ANTXRL: variants seen among roughly 807,000 people sequenced by gnomAD.
ANTXRL encodes anthrax toxin receptor-like.
A neutral mutation model predicts 75.4 loss-of-function variants in ANTXRL; 63 were observed. The observed-to-expected ratio is 0.84, with a 90% CI of 0.68 to 1.03. ANTXRL has a LOEUF of 1.03. ANTXRL is among the 50% of genes least tolerant of loss of function. The pLI is 0.00. For synonymous variants in ANTXRL, 335 were observed against 291.3 expected (o/e 1.15, Z -1.53); for missense variants, 797 against 789.4 (o/e 1.01, Z -0.12).
At chr10:46,298,421 T>G (rs1837519038) in intron 9 of ANTXRL, among the ~76,000 whole-genome samples, 1 of 150,928 alleles carries the variant, frequency 6.6e-6, no homozygotes, top group Admixed American at 6.6e-5. Flanking sequence ...GAGTGATGCA[T>G]CTGTGTGTGT....
chr10:46,296,757 G>A (rs1356679419), intron 5 of ANTXRL, among the ~76,000 whole-genome samples: 1 of 152,174 alleles, frequency 6.6e-6, no homozygotes, highest in African/African-American at 2.4e-5. Context: ...CTGCCCAGGT[G>A]CCACTGGCCT....
intron 16 of ANTXRL, among the ~76,000 whole-genome samples, chr10:46,317,360 A>G (rs2132867020): frequency 6.6e-6 from 1 of 152,332 alleles, no homozygotes; most frequent in East Asian, 1.9e-4. Flanking sequence ...GAATATTAAT[A>G]TCTTGATTTC....
At chr10:46,290,025 A>G (rs1588778789) in intron 1 of ANTXRL, among the ~76,000 whole-genome samples, 2 of 148,032 alleles carry the variant, frequency 1.4e-5, no homozygotes, top group Admixed American at 1.4e-4. Context: ...CTGTATGTAT[A>G]TGTACCACAT....
At chr10:46,302,040 C>T (rs782286965) in intron 9 of ANTXRL, among the ~76,000 whole-genome samples, 1 of 152,168 alleles carries the variant, frequency 6.6e-6, no homozygotes, top group African/African-American at 2.4e-5. Flanking sequence ...AGGATGGGTG[C>T]CCTGTGGTCC....
rs76819156 is a variant in ANTXRL, at chr10:46,318,439, CTA to C, written c.1410+5125_1410+5126del. Among the ~76,000 whole-genome samples, 1,230 of 152,012 alleles carry C rather than the reference CTA, an allele frequency of 8.1e-3. 54 individuals are homozygous for C. In the East Asian group the frequency reaches 0.13, roughly 15 times the overall value. On this transcript the variant is annotated intron_variant, in intron 16 of 16. Coordinates refer to ENST00000620264, the MANE Select transcript of ANTXRL (RefSeq NM_001278688.3). ...TTTCCCAGAGGAATTCATGAGCTTG[CTA>C]TGTTATTTTAGTGAAAATTGTAATG... is the stretch of plus-strand genomic sequence containing the variant.
chr10:46,329,948 C>A lies in ANTXRL; in HGVS notation c.1760C>A (p.Thr587Asn). The change falls in exon 17 of 17, where the codon ACC (threonine) becomes AAC (asparagine). Residue 587 changes from threonine (T) to asparagine (N), a missense_variant. Transcript: ENST00000620264. ...CCCAGCCGGGAGTGCCTCCCCCTCA[C>A]CTGCTCCTCCAGGTGCCGCCTCCCC... ...LQPSRECLPL[T>N]CSSRCRLPPA... is the part of the protein sequence containing the mutation. 1.3e-6 allele frequency: 2 copies of A among 1,535,802 alleles called. No homozygotes were observed. Among genetic ancestry groups the A allele is most frequent in the South Asian group, 1.2e-5 (1 of 84,042 alleles).
Position 46,307,532 on chromosome 10 carries a change from T to C in ANTXRL, c.1044+52T>C, listed in dbSNP as rs147839195. The C allele has an allele frequency of 5.5e-4, 800 of 1,464,092 alleles. 6 individuals are homozygous for C. The African/African-American group carries it at 7.0e-3, about 13-fold the overall frequency. 90.7% of individuals were successfully genotyped at this position (1,464,092 alleles called of 1,614,324 possible). A position where few individuals can be genotyped will look rare whatever the true frequency, so the allele number is the denominator to read the frequency against. ...ATGTATGAGGACTGTCCAGAGCCTC[T>C]GCACTAGAAGGAGCACAGAAAAGGC... On this transcript the variant is annotated intron_variant, in intron 12 of 16. Transcript: ENST00000620264.
intron 15 of ANTXRL, 80 bp from the exon 16 acceptor site, chr10:46,313,156 T>C (rs1554963903): frequency 8.0e-7 from 1 of 1,243,094 alleles, no homozygotes; most frequent in African/African-American, 1.5e-5. Flanking sequence ...CACAGAGCTG[T>C]GGGGGGCTGG....
intron 13 of ANTXRL, 35 bp downstream of exon 13, chr10:46,309,237 A>T (rs1554962795): frequency 6.5e-7 from 1 of 1,535,256 alleles, no homozygotes; most frequent in Non-Finnish European, 8.7e-7. Context: ...TCTGGGGCCC[A>T]GGCACAGGCC....
chr10:46,293,575 G>GTGTGTGCA (rs1565016081), intron 2 of ANTXRL, among the ~76,000 whole-genome samples: 15 of 67,402 alleles, frequency 2.2e-4, no homozygotes, highest in South Asian at 4.4e-4. Context: ...CTGTGTGTGC[G>GTGTGTGCA]CGTGTGTGTG....
chr10:46,292,805 T>G (rs1320076594), intron 2 of ANTXRL: 2 of 153,100 alleles, frequency 1.3e-5, no homozygotes, highest in African/African-American at 2.4e-5. Context: ...GTCTGATGAC[T>G]GTGGGTAAAA....
At chr10:46,322,653 C>G (rs1839036986) in intron 16 of ANTXRL, among the ~76,000 whole-genome samples, 1 of 152,070 alleles carries the variant, frequency 6.6e-6, no homozygotes, top group East Asian at 1.9e-4. Flanking sequence ...GGATGCAGAG[C>G]TTTTAATAGT....
intron 9 of ANTXRL, among the ~76,000 whole-genome samples, chr10:46,301,930 TG>T (rs1837772052): frequency 1.3e-5 from 2 of 152,186 alleles, no homozygotes; most frequent in African/African-American, 4.8e-5. Flanking sequence ...GCGGGAACCC[TG>T]GCTGGCTCCT....
rs1380286575 is a variant in ANTXRL, at chr10:46,296,197, A to G, written c.475-22A>G. ...GGGAGCATCTCACTGTCCAGGCTCA[A>G]TATTTCTTCATTTTCTTGCAGGCAA... is the stretch of plus-strand genomic sequence containing the variant. On this transcript the variant is annotated intron_variant, in intron 4 of 16. Coordinates refer to ENST00000620264, the MANE Select transcript of ANTXRL (RefSeq NM_001278688.3). 5.2e-6 allele frequency: 8 copies of G among 1,535,862 alleles called. No homozygotes were observed. In the African/African-American group the frequency reaches 6.8e-5, roughly 13 times the overall value.
At chr10:46,289,667 T>A (rs1836902311) in intron 1 of ANTXRL, among the ~76,000 whole-genome samples, 1 of 152,154 alleles carries the variant, frequency 6.6e-6, no homozygotes, top group Admixed American at 6.5e-5. Flanking sequence ...AGGTCAAGAC[T>A]GCTGTGTGTC....
intron 9 of ANTXRL, among the ~76,000 whole-genome samples, chr10:46,299,481 G>T (rs1244198621): frequency 2.6e-5 from 4 of 151,926 alleles, no homozygotes; most frequent in Non-Finnish European, 5.9e-5. Context: ...GGTCTGCATG[G>T]CCGGCAGTTG....
At chr10:46,304,726 C>T (rs1837967085) in intron 10 of ANTXRL, among the ~76,000 whole-genome samples, 1 of 152,132 alleles carries the variant, frequency 6.6e-6, no homozygotes, top group Non-Finnish European at 1.5e-5. Context: ...TAGAGAGAAG[C>T]ATGATGGAAG....
chr10:46,302,617 C>A, intron 9 of ANTXRL, 105 bp from the exon 10 acceptor site: 1 of 752,958 alleles, frequency 1.3e-6, no homozygotes, highest in Non-Finnish European at 2.2e-6. Flanking sequence ...TTACAGGAGC[C>A]TCTGTGAATT....
intron 9 of ANTXRL, among the ~76,000 whole-genome samples, chr10:46,299,217 CAAG>C (rs1440731975): frequency 6.6e-6 from 1 of 152,050 alleles, no homozygotes. Flanking sequence ...GGATGAAGAA[CAAG>C]AAGTAGGGGT....
Sources: gnomAD v4.1 joint callset for allele counts (sites outside exome capture counted in the v4.1 genomes callset) on GRCh38, gnomAD v4.1.1 for gene constraint, MANE v1.5 for transcripts, NCBI Gene and HGNC (gene_info 2026-07-23, HGNC 2026-07-21) for gene names.